Variants in SMARCA1 observed in about 807,000 individuals in gnomAD.
The protein encoded by SMARCA1 is SWI/SNF-related matrix-associated actin-dependent regulator of chromatin subfamily A member 1.
Under a neutral mutation model 93.6 loss-of-function variants are expected in SMARCA1, and 17 were observed. The ratio of observed to expected loss-of-function variants is 0.18; its 90% CI spans 0.12 to 0.27. The LOEUF (loss-of-function observed/expected upper bound fraction) is 0.27, where lower values mean the gene tolerates loss of function less well. Among genes scored for constraint, SMARCA1 ranks in the 10% least tolerant of loss-of-function variants. The probability of loss-of-function intolerance (pLI) is 1.00; values close to 1 mark genes in which losing one functional copy is unlikely to be tolerated. For synonymous variants in SMARCA1, 271 were observed against 271.4 expected, an observed-to-expected ratio of 1.00 and a Z score of 0.01; for missense variants, 630 against 819.0, an observed-to-expected ratio of 0.77 and a Z score of 2.82.
chrX:129,519,765 T>C (rs1057450933), intron 1 of SMARCA1, among the ~76,000 whole-genome samples: 3 of 111,921 alleles, frequency 2.7e-5, no homozygotes, highest in Non-Finnish European at 5.6e-5. Context: ...CCATATATAA[T>C]ATAAATCATA....
rs568242138 is a variant in SMARCA1 at position 129,496,162 on chromosome X, T to A, written c.1626+588A>T. Among the ~76,000 whole-genome samples the A allele has an allele frequency of 5.2e-5, 5 of 96,589 alleles. No homozygotes were observed. In the Admixed American group the frequency reaches 6.1e-4, roughly 12 times the overall value. 83.9% of individuals were successfully genotyped at this position (96,589 alleles called of 115,157 possible). Reference sequence around the variant, plus strand: ...CATGTTTGAGAAAAATACTGCATACTAGATAAGCTTACTCACTAAGTGACT... The same window carrying A: ...CATGTTTGAGAAAAATACTGCATACAAGATAAGCTTACTCACTAAGTGACT... On this transcript the variant is annotated intron_variant, in intron 12 of 24. Coordinates refer to ENST00000371121, the MANE Select transcript of SMARCA1 (RefSeq NM_001282874.2).
chrX:129,519,433 C>CT (rs753639486), intron 1 of SMARCA1, among the ~76,000 whole-genome samples: 1 of 111,921 alleles, frequency 8.9e-6, no homozygotes, highest in African/African-American at 3.2e-5. Flanking sequence ...TTTTGTCAAC[C>CT]TATTTATGAA....
At chrX:129,454,396 A>G (rs1216467513) in intron 23 of SMARCA1, among the ~76,000 whole-genome samples, 2 of 112,339 alleles carry the variant, frequency 1.8e-5, no homozygotes, top group Non-Finnish European at 3.8e-5. Context: ...AGACTTCGTG[A>G]GTAAAACACC....
At chrX:129,454,304 A>G (rs1354747889) in intron 23 of SMARCA1, among the ~76,000 whole-genome samples, 1 of 112,535 alleles carries the variant, frequency 8.9e-6, no homozygotes, top group Non-Finnish European at 1.9e-5. Flanking sequence ...AGATGGATTA[A>G]AGACTTACAC....
At chrX:129,492,918 A>G (rs930247474) in intron 13 of SMARCA1, 122 bp downstream of exon 13, 7 of 315,947 alleles carry the variant, frequency 2.2e-5, no homozygotes, top group South Asian at 1.7e-4. Flanking sequence ...ATAATACTCA[A>G]TGTTGATGAG....
rs1407311601 is a variant in SMARCA1, at chrX:129,504,804, T to G, written c.1099-2A>C. The G allele has an allele frequency of 8.5e-7, 1 of 1,170,812 alleles. No individual in the cohort carries two copies. Among genetic ancestry groups the G allele is most frequent in the African/African-American group, 1.8e-5 (1 of 56,254 alleles). On this transcript the variant is annotated splice_acceptor_variant, in intron 8 of 24. Transcript: ENST00000371121. LOFTEE classifies it high-confidence loss of function. ...AGTGTCAAACCAAGAATCAAAGTCCTGTAGAGGGGTGGAAATTCTCCAATG... is the reference window on the plus strand; with the variant it reads ...AGTGTCAAACCAAGAATCAAAGTCCGGTAGAGGGGTGGAAATTCTCCAATG...
chrX:129,483,001 T>C (rs1933750134), intron 17 of SMARCA1, among the ~76,000 whole-genome samples: 1 of 112,065 alleles, frequency 8.9e-6, no homozygotes, highest in South Asian at 3.7e-4. Context: ...AAGTAATGAC[T>C]AAAGACAGAC....
chrX:129,511,516 CAAAGTACAATTCAAA>C (rs1246195276), intron 6 of SMARCA1, among the ~76,000 whole-genome samples: 4 of 109,021 alleles, frequency 3.7e-5, no homozygotes, highest in Non-Finnish European at 7.6e-5. Flanking sequence ...AAAAGTCACT[CAAAGTACAATTCAAA>C]AATGCTTAGG....
intron 1 of SMARCA1, 78 bp from the exon 2 acceptor site, chrX:129,518,525 A>G: frequency 1.8e-6 from 1 of 550,351 alleles, no homozygotes; most frequent in Non-Finnish European, 3.0e-6. Context: ...CATTAGAAGA[A>G]GGCGGAAAGT....
chrX:129,498,206 A>C, intron 10 of SMARCA1, 135 bp from the exon 11 acceptor site: 2 of 471,350 alleles, frequency 4.2e-6, no homozygotes, highest in Non-Finnish European at 7.5e-6. Context: ...TAATGGGCAA[A>C]ACCTACAAAG....
intron 23 of SMARCA1, among the ~76,000 whole-genome samples, chrX:129,463,664 G>A (rs2099350687): frequency 9.0e-6 from 1 of 111,609 alleles, no homozygotes; most frequent in Non-Finnish European, 1.9e-5. Flanking sequence ...TTTGCTGGGC[G>A]CGGTGGTTCA....
In SMARCA1 at chrX:129,480,735, T is replaced by A; in HGVS notation, c.2408A>T (p.Glu803Val). 2 of 1,128,482 alleles carry A rather than the reference T, an allele frequency of 1.8e-6. No homozygotes were observed. Among genetic ancestry groups the A allele is most frequent in the South Asian group, 4.6e-5 (2 of 43,529 alleles). 93.0% of individuals were successfully genotyped at this position (1,128,482 alleles called of 1,213,427 possible). A position where few individuals can be genotyped will look rare whatever the true frequency, so the allele number is the denominator to read the frequency against. ...PPRLFELLEK[E>V]ILYYRKTIGY... Reference sequence around the variant, plus strand: ...TATTGTCTTCCGATAATAAAGAATTTCCTTTTCCAGGAGCTCAAATAAGCG... The same window carrying A: ...TATTGTCTTCCGATAATAAAGAATTACCTTTTCCAGGAGCTCAAATAAGCG... The change falls in exon 19 of 25, where the codon GAA becomes GTA. Residue 803 changes from glutamate (E) to valine (V), a missense_variant. By Grantham distance (121) the Glu-to-Val change is moderately radical. Around this residue, in one of 4 missense-constraint regions of SMARCA1, gnomAD observed 52 missense variants for 38.3 expected, o/e 1.36. Transcript: ENST00000371121.
At chrX:129,518,999 T>C (rs1322734673) in intron 1 of SMARCA1, among the ~76,000 whole-genome samples, 1 of 111,969 alleles carries the variant, frequency 8.9e-6, no homozygotes, top group Non-Finnish European at 1.9e-5. Flanking sequence ...CACATATACT[T>C]AATATAATAG....
At chrX:129,517,800 A>G (rs1369171194) in intron 2 of SMARCA1, among the ~76,000 whole-genome samples, 1 of 111,567 alleles carries the variant, frequency 9.0e-6, no homozygotes, top group Non-Finnish European at 1.9e-5. Flanking sequence ...AAATTAAATA[A>G]TTAAATGTAT....
At chrX:129,511,186 C>A (rs1935006071) in intron 6 of SMARCA1, among the ~76,000 whole-genome samples, 1 of 111,361 alleles carries the variant, frequency 9.0e-6, no homozygotes, top group Non-Finnish European at 1.9e-5. Flanking sequence ...ACTAGACTGA[C>A]AAATGGCTGA....
At chrX:129,488,154 A>G (rs781452774) in intron 16 of SMARCA1, among the ~76,000 whole-genome samples, 1 of 110,508 alleles carries the variant, frequency 9.0e-6, no homozygotes, top group East Asian at 2.8e-4. Flanking sequence ...GGGAAGGTGA[A>G]CTAAACACAA....
chrX:129,511,538 T>A (rs1365295758), intron 6 of SMARCA1, among the ~76,000 whole-genome samples: 2 of 95,515 alleles, frequency 2.1e-5, no homozygotes, highest in Non-Finnish European at 3.9e-5. Flanking sequence ...CAAAAATGCT[T>A]AGGTTAATGA....
At chrX:129,489,323 T>C (rs1023133503) in intron 15 of SMARCA1, among the ~76,000 whole-genome samples, 11 of 112,273 alleles carry the variant, frequency 9.8e-5, no homozygotes, top group African/African-American at 3.5e-4. Context: ...GACAGAAACT[T>C]TTTTTCATGT....
At chrX:129,504,192 T>C (rs1438686876) in intron 9 of SMARCA1, among the ~76,000 whole-genome samples, 1 of 111,166 alleles carries the variant, frequency 9.0e-6, no homozygotes. Flanking sequence ...GCAGGAGGAT[T>C]GCTTGAGCTC....
Sources: gnomAD v4.1 joint callset for allele counts (sites outside exome capture counted in the v4.1 genomes callset) on GRCh38, gnomAD v4.1.1 for gene constraint, gnomAD v4.1.1 regional missense constraint, MANE v1.5 for transcripts, NCBI Gene and HGNC (gene_info 2026-07-23, HGNC 2026-07-21) for gene names.